Variants in NME9 observed in about 807,000 individuals in gnomAD.
The protein encoded by NME9 is NME/NM23 family member 9.
NME9 carries 48 observed loss-of-function variants against 44.4 expected under a neutral mutation model. The ratio of observed to expected loss-of-function variants is 1.08; its 90% CI spans 0.86 to 1.37. The LOEUF (loss-of-function observed/expected upper bound fraction) is 1.37, where lower values mean the gene tolerates loss of function less well. NME9 is among the 40% of genes most tolerant of loss of function. The probability of loss-of-function intolerance (pLI) is 0.00; values close to 1 mark genes in which losing one functional copy is unlikely to be tolerated. For synonymous variants in NME9, 139 were observed against 147.1 expected, an observed-to-expected ratio of 0.94 and a Z score of 0.40; for missense variants, 325 against 405.2, an observed-to-expected ratio of 0.80 and a Z score of 1.70.
At chr3:138,272,718 T>C (rs2048908860) in intron 8 of NME9, among the ~76,000 whole-genome samples, 1 of 151,912 alleles carries the variant, frequency 6.6e-6, no homozygotes, top group African/African-American at 2.4e-5. Context: ...CTACTAAAGA[T>C]ACAAAAATTA....
rs1366759454 is a variant in NME9, at chr3:138,301,515, C to T, written c.*125G>A. On this transcript the variant is annotated 3_prime_UTR_variant, in exon 11 of 11. Coordinates refer to ENST00000333911, the MANE Select transcript of NME9 (RefSeq NM_001349018.2). ...TCACTGCGCCCAGCCATATTATTTTCATTGTCTACAAAAGACAGCTAAACC... is the reference window on the plus strand; with the variant it reads ...TCACTGCGCCCAGCCATATTATTTTTATTGTCTACAAAAGACAGCTAAACC... 6.9e-7 allele frequency: 1 copy of T among 1,455,206 alleles called. No individual in the cohort carries two copies. Among genetic ancestry groups the T allele is most frequent in the East Asian group, 2.5e-5 (1 of 39,688 alleles). 90.1% of individuals were successfully genotyped at this position (1,455,206 alleles called of 1,614,324 possible).
chr3:138,329,493 C>A lies in NME9; in HGVS notation c.-158G>T. ...CCCTTTTTAAGGTGCTTCTAACTGG[C>A]GGCAAATCAGCACACTGATACAAAG... On this transcript the variant is annotated 5_prime_UTR_variant, in exon 1 of 11. Transcript: ENST00000333911. The A allele has an allele frequency of 6.9e-7, 1 of 1,448,222 alleles. No individual in the cohort carries two copies. The allele number at this position is 1,448,222 out of a possible 1,614,324, so 89.7% of individuals were successfully genotyped here. A position where few individuals can be genotyped will look rare whatever the true frequency, so the allele number is the denominator to read the frequency against.
In NME9 at chr3:138,324,905, C is replaced by A; in HGVS notation, c.59G>T (p.Trp20Leu). The A allele has an allele frequency of 6.2e-7, 1 of 1,613,874 alleles. No individual in the cohort carries two copies. Among genetic ancestry groups the A allele is most frequent in the Non-Finnish European group, 8.5e-7 (1 of 1,179,840 alleles). ...LQVNISTQEL[W>L]EEMLSSKGLT... ...TCCTTTGGAACTGAGCATTTCCTCC[C>A]AAAGCTCTTGGGTGCTGATGTTGAC... The change falls in exon 2 of 11, where the codon TGG becomes TTG. Residue 20 changes from tryptophan to leucine, a missense_variant. Physicochemically the swap from Trp to Leu is moderately conservative, Grantham distance 61 (BLOSUM62 -2). Transcript: ENST00000333911.
intron 6 of NME9, among the ~76,000 whole-genome samples, chr3:138,308,950 A>G (rs891899735): frequency 5.1e-4 from 72 of 142,378 alleles, no homozygotes; most frequent in African/African-American, 1.7e-3. Context: ...TGAAAGAAAA[A>G]AAAAAAAAAA....
chr3:138,280,155 C>T (rs1438350250), intron 8 of NME9, among the ~76,000 whole-genome samples: 2 of 152,190 alleles, frequency 1.3e-5, no homozygotes, highest in African/African-American at 2.4e-5. Flanking sequence ...CTGCCCACCT[C>T]GGCCTCCCAA....
At chr3:138,296,220 G>C (rs1022180537), downstream of NME9, 18 of 250,794 alleles carry the variant, frequency 7.2e-5, no homozygotes, top group Non-Finnish European at 1.3e-4. Flanking sequence ...GAATATGTCT[G>C]TGTGAACACA....
rs1310461734 is a variant in NME9 at position 138,306,492 on chromosome 3, A to G, written c.461-12T>C. The stretch of plus-strand genomic sequence containing the variant: ...CCTCTCTGATGAAACTAAGCCAAAA[A>G]ATGGTGCTGTCAGATGCTGATGTTT... On this transcript the variant is annotated splice_polypyrimidine_tract_variant and intron_variant, in intron 6 of 10. Coordinates refer to ENST00000333911, the MANE Select transcript of NME9 (RefSeq NM_001349018.2). 1 of 1,579,358 alleles carries G rather than the reference A, an allele frequency of 6.3e-7. No individual in the cohort carries two copies. Among genetic ancestry groups the G allele is most frequent in the Non-Finnish European group, 8.7e-7 (1 of 1,155,320 alleles).
chr3:138,305,025 C>G lies in NME9; in HGVS notation c.639G>C (p.Glu213Asp). 1.9e-6 allele frequency: 3 copies of G among 1,613,696 alleles called. No individual in the cohort carries two copies. Among genetic ancestry groups the G allele is most frequent in the South Asian group, 1.1e-5 (1 of 91,050 alleles). ...TGTGATGTACCAGCTTCTCAAATGC[C>G]TCCTAGGCACAGGGAGGGAAAACAG... ...RLFYQHKAGE[E>D]AFEKLVHHMC... The change falls in exon 9 of 11, where the codon GAG (glutamate) becomes GAC (aspartate). Residue 213 changes from glutamate to aspartate, a missense_variant and splice_region_variant. Glu to Asp is a conservative substitution (Grantham distance 45). Coordinates refer to ENST00000333911, the MANE Select transcript of NME9 (RefSeq NM_001349018.2).
intron 8 of NME9, among the ~76,000 whole-genome samples, chr3:138,287,011 C>G (rs2050495069): frequency 6.6e-6 from 1 of 152,198 alleles, no homozygotes; most frequent in African/African-American, 2.4e-5. Context: ...CCAATTACTC[C>G]TTTTCATCAC....
At chr3:138,296,174 T>C (rs1254696477), downstream of NME9, 1 of 346,650 alleles carries the variant, frequency 2.9e-6, no homozygotes, top group Non-Finnish European at 5.3e-6. Context: ...GACCTACAAT[T>C]TTTGCCTATG....
At chr3:138,321,837 A>G (rs2053481907) in intron 2 of NME9, among the ~76,000 whole-genome samples, 1 of 152,008 alleles carries the variant, frequency 6.6e-6, no homozygotes, top group Admixed American at 6.6e-5. Flanking sequence ...AGAGAAAAAG[A>G]ACTAGCGAGG....
chr3:138,322,641 G>A (rs1318954214), intron 2 of NME9, among the ~76,000 whole-genome samples: 6 of 152,066 alleles, frequency 3.9e-5, no homozygotes, highest in Non-Finnish European at 5.9e-5. Context: ...AATTTCTGCC[G>A]GCTGCAGAGA....
At chr3:138,275,427 C>T (rs572164757) in intron 8 of NME9, among the ~76,000 whole-genome samples, 2 of 152,210 alleles carry the variant, frequency 1.3e-5, no homozygotes, top group Admixed American at 6.5e-5. Flanking sequence ...GGCGCGGTGG[C>T]GGGTGCCTGT....
chr3:138,274,856 A>C (rs923434165), intron 8 of NME9, among the ~76,000 whole-genome samples: 6 of 152,128 alleles, frequency 3.9e-5, no homozygotes, highest in Non-Finnish European at 8.8e-5. Flanking sequence ...TAAATAAGTG[A>C]TTTCCAGGAT....
chr3:138,276,060 G>A (rs1037962638), intron 8 of NME9, among the ~76,000 whole-genome samples: 1 of 152,146 alleles, frequency 6.6e-6, no homozygotes, highest in Non-Finnish European at 1.5e-5. Flanking sequence ...CTTGAAAAGC[G>A]AAGCAAGACA....
At chr3:138,318,428 G>T (rs770029539) in intron 3 of NME9, among the ~76,000 whole-genome samples, 1 of 148,704 alleles carries the variant, frequency 6.7e-6, no homozygotes, top group Admixed American at 6.6e-5. Context: ...GAGGAAGCAA[G>T]AGTATCTCCT....
chr3:138,314,908 C>G (rs2052963698), intron 5 of NME9, among the ~76,000 whole-genome samples: 1 of 152,158 alleles, frequency 6.6e-6, no homozygotes. Flanking sequence ...GAACAATGAA[C>G]ATGGAATGGT....
chr3:138,289,834 GA>G (rs1439249173), intron 8 of NME9, among the ~76,000 whole-genome samples: 1 of 152,130 alleles, frequency 6.6e-6, no homozygotes, highest in African/African-American at 2.4e-5. Context: ...CCCATCCCTA[GA>G]AATTCTGATT....
intron 7 of NME9, 53 bp downstream of exon 7, chr3:138,306,345 C>A (rs1248638717): frequency 7.4e-7 from 1 of 1,352,274 alleles, no homozygotes. Context: ...CCCTGTTTAT[C>A]CACAAAAGAG....
Sources: allele counts gnomAD v4.1 joint callset (sites outside exome capture counted in the v4.1 genomes callset), GRCh38; gene constraint gnomAD v4.1.1; transcripts MANE v1.5; gene names NCBI Gene and HGNC (gene_info 2026-07-23, HGNC 2026-07-21).